The following ZCWPW1 variants were observed in gnomAD, a reference collection of about 807,000 sequenced individuals.
The protein encoded by ZCWPW1 is zinc finger CW-type and PWWP domain containing 1.
A neutral mutation model predicts 81.3 loss-of-function variants in ZCWPW1; 56 were observed. The observed-to-expected ratio is 0.69, with a 90% CI of 0.56 to 0.86. The LOEUF (loss-of-function observed/expected upper bound fraction) is 0.86. Ranked by LOEUF, ZCWPW1 falls within the 40% of genes least tolerant of loss-of-function variation. The pLI is 0.00. For missense variants in ZCWPW1, 650 were observed against 769.8 expected (o/e 0.84, Z 1.84); for synonymous variants, 250 against 273.7 (o/e 0.91, Z 0.86).
chr7:100,415,187 G>A (rs1191270040), intron 8 of ZCWPW1, among the ~76,000 whole-genome samples: 5 of 142,608 alleles, frequency 3.5e-5, no homozygotes, highest in African/African-American at 1.0e-4. Flanking sequence ...GGGTTCAAGC[G>A]ATTCTCCTGC....
At chr7:100,422,558 C>T (rs1796547987) in intron 2 of ZCWPW1, among the ~76,000 whole-genome samples, 1 of 152,190 alleles carries the variant, frequency 6.6e-6, no homozygotes, top group South Asian at 2.1e-4. Context: ...TATTTCCATA[C>T]AGCTTTATTT....
At chr7:100,426,785 C>T (rs1246369958) in intron 1 of ZCWPW1, among the ~76,000 whole-genome samples, 1 of 116,272 alleles carries the variant, frequency 8.6e-6, no homozygotes, top group Non-Finnish European at 1.8e-5. Flanking sequence ...TCCTCCCTTT[C>T]TCTCTCCCTC....
At position 100,400,873 on chromosome 7, in the gene ZCWPW1, C is replaced by G; in HGVS notation, c.*141G>C. On this transcript the variant is annotated 3_prime_UTR_variant, in exon 18 of 18. Coordinates refer to ENST00000684423, the MANE Select transcript of ZCWPW1 (RefSeq NM_001386010.1). The stretch of plus-strand genomic sequence containing the variant: ...GCAGTTAGAGACCAGCCAACCCAGT[C>G]GACTGTAACCTGCTTTATTAACACA... The G allele has an allele frequency of 1.0e-6, 1 of 962,330 alleles. No individual in the cohort carries two copies. Among genetic ancestry groups the G allele is most frequent in the East Asian group, 2.7e-5 (1 of 37,038 alleles). The allele number at this position is 962,330 out of a possible 1,614,324, so 59.6% of individuals were successfully genotyped here.
At position 100,425,115 on chromosome 7, in the gene ZCWPW1, T is replaced by C. The variant is rs1289864804; in HGVS notation, c.-115A>G. ...TCTGTTTCAGGTGAATTAACTTCTT[T>C]CACAATAACAAATACTGAAAGCTGG... On this transcript the variant is annotated 5_prime_UTR_variant, in exon 2 of 18. Transcript: ENST00000684423. 6.6e-6 allele frequency: 1 copy of C among 152,112 alleles called. No homozygotes were observed. Among genetic ancestry groups the C allele is most frequent in the Non-Finnish European group, 1.5e-5 (1 of 68,020 alleles). 9.4% of individuals were successfully genotyped at this position (152,112 alleles called of 1,614,324 possible). A position where few individuals can be genotyped will look rare whatever the true frequency, so the allele number is the denominator to read the frequency against.
intron 1 of ZCWPW1, among the ~76,000 whole-genome samples, chr7:100,427,624 A>C (rs1797901333): frequency 6.6e-6 from 1 of 150,614 alleles, no homozygotes; most frequent in African/African-American, 2.4e-5. Context: ...GCTTGAACCC[A>C]GGAGGTGGGG....
chr7:100,420,010 G>T (rs1796064216), intron 3 of ZCWPW1, 127 bp from the exon 4 acceptor site: 2 of 740,626 alleles, frequency 2.7e-6, no homozygotes, highest in Non-Finnish European at 4.2e-6. Flanking sequence ...AGATTCCTGG[G>T]TCTCTCACTG....
chr7:100,416,537 G>A, intron 6 of ZCWPW1, 81 bp from the exon 7 acceptor site: 1 of 1,480,344 alleles, frequency 6.8e-7, no homozygotes, highest in East Asian at 2.3e-5. Flanking sequence ...CCGAGTAAAA[G>A]GAAGACAGAT....
intron 8 of ZCWPW1, among the ~76,000 whole-genome samples, chr7:100,414,300 T>C (rs1226369917): frequency 6.6e-6 from 1 of 152,256 alleles, no homozygotes; most frequent in Non-Finnish European, 1.5e-5. Flanking sequence ...GATTAGACAC[T>C]ACGTAACTTT....
At chr7:100,411,775 T>C (rs1327609252) in intron 8 of ZCWPW1, among the ~76,000 whole-genome samples, 2 of 152,074 alleles carry the variant, frequency 1.3e-5, no homozygotes, top group African/African-American at 4.8e-5. Flanking sequence ...TGAGTACTCA[T>C]AAGAAAATGA....
intron 13 of ZCWPW1, 96 bp downstream of exon 13, chr7:100,404,917 G>C: frequency 8.3e-7 from 1 of 1,208,004 alleles, no homozygotes; most frequent in Non-Finnish European, 1.2e-6. Context: ...GAGGTAGGAT[G>C]GCCCCTAGCA....
intron 1 of ZCWPW1, among the ~76,000 whole-genome samples, chr7:100,426,492 C>CAAA (rs1239534406): frequency 0.013 from 908 of 72,160 alleles, 18 homozygotes; most frequent in East Asian, 0.03. Context: ...GACTCTGTCT[C>CAAA]AAAAAAAAAA....
At chr7:100,428,102 C>A (rs1236872132) in intron 1 of ZCWPW1, among the ~76,000 whole-genome samples, 1 of 152,164 alleles carries the variant, frequency 6.6e-6, no homozygotes. Flanking sequence ...GCAACGGGTG[C>A]CAGGACTGGC....
At chr7:100,401,444 G>T in intron 17 of ZCWPW1, 108 bp from the exon 18 acceptor site, 3 of 1,072,342 alleles carry the variant, frequency 2.8e-6, no homozygotes, top group Non-Finnish European at 3.9e-6. Flanking sequence ...TGGAAAAGAT[G>T]ACCTTTCTCA....
At position 100,405,081 on chromosome 7, in the gene ZCWPW1, T is replaced by A; in HGVS notation, c.1186A>T (p.Asn396Tyr). 6.2e-7 allele frequency: 1 copy of A among 1,612,782 alleles called. No individual in the cohort carries two copies. The highest frequency in any genetic ancestry group is 8.5e-7 in the Non-Finnish European group (1 of 1,179,436). ...LELSVMKKRR[N>Y]DCSQKLGVAL... ...ACCCCCAGTTTCTGGCTGCAGTCAT[T>A]TCTGCGCTTTTTCTGAAATAGAAGA... Residue 396 changes from asparagine (N) to tyrosine (Y), a missense_variant, in exon 13 of 18, where the codon AAT becomes TAT. By Grantham distance (143) the Asn-to-Tyr change is moderately radical. Coordinates refer to ENST00000684423, the MANE Select transcript of ZCWPW1 (RefSeq NM_001386010.1).
rs891364395 is a variant in ZCWPW1, at chr7:100,419,642, C to T, written c.270G>A (p.Glu90=). Residue 90 remains glutamate (E), a synonymous_variant, in exon 4 of 18, where the codon GAG becomes GAA. Transcript: ENST00000684423. ...CTATGACTGGTACCTTTTCTTTCTT[C>T]TCTGCTTGCTTGTTGATTTGTGCCT... ...KRKAQINKQA[E]KKEKEKSSLT... is the part of the protein sequence containing the mutation. 6.2e-7 allele frequency: 1 copy of T among 1,610,090 alleles called. No individual in the cohort carries two copies. The highest frequency in any genetic ancestry group is 8.5e-7 in the Non-Finnish European group (1 of 1,178,910).
intron 1 of ZCWPW1, among the ~76,000 whole-genome samples, chr7:100,425,859 T>C (rs1397284340): frequency 6.6e-6 from 1 of 152,234 alleles, no homozygotes; most frequent in Non-Finnish European, 1.5e-5. Context: ...TAAATGTTTC[T>C]GAATTTTAAT....
At chr7:100,426,294 G>C (rs1797316843) in intron 1 of ZCWPW1, among the ~76,000 whole-genome samples, 1 of 152,094 alleles carries the variant, frequency 6.6e-6, no homozygotes, top group African/African-American at 2.4e-5. Flanking sequence ...AGGAGTTCAA[G>C]ACCAGCCTGA....
chr7:100,415,819 G>T (rs571533456), intron 8 of ZCWPW1, among the ~76,000 whole-genome samples, 156 bp downstream of exon 8: 2 of 152,306 alleles, frequency 1.3e-5, no homozygotes, highest in Admixed American at 6.5e-5. Context: ...ATGACTGAAT[G>T]AATGAAATTA....
At chr7:100,425,769 TC>T (rs1265201400) in intron 1 of ZCWPW1, among the ~76,000 whole-genome samples, 1 of 152,252 alleles carries the variant, frequency 6.6e-6, no homozygotes, top group Non-Finnish European at 1.5e-5. Context: ...TGCTAAATTT[TC>T]TTTTGTTTAG....
Sources: gnomAD v4.1 joint callset for allele counts (sites outside exome capture counted in the v4.1 genomes callset) on GRCh38, gnomAD v4.1.1 for gene constraint, MANE v1.5 for transcripts, NCBI Gene and HGNC (gene_info 2026-07-23, HGNC 2026-07-21) for gene names.